COL5A3: variants seen among roughly 807,000 people sequenced by gnomAD.
COL5A3 encodes the protein collagen alpha-3(V) chain.
Under a neutral mutation model 250.0 loss-of-function variants are expected in COL5A3, and 172 were observed. The observed-to-expected ratio is 0.69, with a 90% CI of 0.61 to 0.78. The LOEUF (loss-of-function observed/expected upper bound fraction) is 0.78. Ranked by LOEUF, COL5A3 falls within the 30% of genes least tolerant of loss-of-function variation. The probability of loss-of-function intolerance (pLI) is 0.00; values close to 1 mark genes in which losing one functional copy is unlikely to be tolerated. For synonymous variants in COL5A3, 937 were observed against 900.4 expected (o/e 1.04, Z -0.73); for missense variants, 2,340 against 2,334.4 (o/e 1.00, Z -0.05).
chr19:9,985,502 C>T lies in COL5A3; in HGVS notation c.2406+340G>A, dbSNP rs567727032. On this transcript the variant is annotated intron_variant, in intron 31 of 66. Coordinates refer to ENST00000264828, the MANE Select transcript of COL5A3 (RefSeq NM_015719.4). ...CTCTAACTCCTGACCTCAAGTGATC[C>T]GCCTGCGTCTGCCGCCCAAAGTGTT... Among the ~76,000 whole-genome samples the T allele has an allele frequency of 2.6e-3, 402 of 151,990 alleles. 4 individuals are homozygous for T. Among genetic ancestry groups the T allele is most frequent in the African/African-American group, 9.2e-3 (379 of 41,406 alleles).
intron 31 of COL5A3, among the ~76,000 whole-genome samples, chr19:9,983,775 A>C (rs2087055917): frequency 6.6e-6 from 1 of 151,780 alleles, no homozygotes; most frequent in South Asian, 2.1e-4. Context: ...GAAGGAAGGA[A>C]GAAAGGAGGA....
At chr19:9,988,350 A>G (rs1413097883) in intron 27 of COL5A3, among the ~76,000 whole-genome samples, 1 of 152,240 alleles carries the variant, frequency 6.6e-6, no homozygotes, top group Non-Finnish European at 1.5e-5. Flanking sequence ...CCTTGATTAT[A>G]GTGTGTCTAA....
chr19:10,003,890 G>T, intron 5 of COL5A3, 151 bp downstream of exon 5: 1 of 1,014,404 alleles, frequency 9.9e-7, no homozygotes, highest in Non-Finnish European at 1.5e-6. Flanking sequence ...ATGACTTGAG[G>T]TCAAAGTCAT....
intron 4 of COL5A3, among the ~76,000 whole-genome samples, chr19:10,005,349 C>CAA (rs1221352558): frequency 7.6e-6 from 1 of 131,616 alleles, no homozygotes; most frequent in Non-Finnish European, 1.6e-5. Context: ...GGCTCCATCT[C>CAA]AAAAAAAAAA....
At position 9,967,954 on chromosome 19, in the gene COL5A3, C is replaced by T; in HGVS notation, c.4369-15G>A. 1 of 1,612,068 alleles carries T rather than the reference C, an allele frequency of 6.2e-7. No homozygotes were observed. Among genetic ancestry groups the T allele is most frequent in the South Asian group, 1.1e-5 (1 of 90,668 alleles). On this transcript the variant is annotated splice_polypyrimidine_tract_variant and intron_variant, in intron 60 of 66. Transcript: ENST00000264828. ...CCTAGAGGGCCCTGTAGGGTACAGA[C>T]AGGGAGAGCTGAGGTCCTGGCCTGG... is the stretch of plus-strand genomic sequence containing the variant.
Position 9,960,199 on chromosome 19 carries a change from G to C in COL5A3, c.*212C>G. ...GAGCCAGACTGCAGTATGCCACCTG[G>C]AATGGGGTGAGAGGAGGCTGGACCC... On this transcript the variant is annotated 3_prime_UTR_variant, in exon 67 of 67. Transcript: ENST00000264828. The C allele has an allele frequency of 1.6e-6, 1 of 613,836 alleles. No individual in the cohort carries two copies. Among genetic ancestry groups the C allele is most frequent in the Non-Finnish European group, 2.8e-6 (1 of 353,444 alleles). 38.0% of individuals were successfully genotyped at this position (613,836 alleles called of 1,614,324 possible).
chr19:9,969,450 A>C (rs1359211289), intron 56 of COL5A3, 48 bp from the exon 57 acceptor site: 2 of 1,595,950 alleles, frequency 1.3e-6, no homozygotes, highest in Admixed American at 3.6e-5. Flanking sequence ...GTCAGAACAC[A>C]GTGTGGACCC....
At position 9,970,968 on chromosome 19, in the gene COL5A3, C is replaced by T. The variant is rs774742646; in HGVS notation, c.3882+7G>A. The stretch of plus-strand genomic sequence containing the variant: ...CTCAGCACCACACCCTCTGTTTTCC[C>T]ACTCACCGGTCCCCCAACATCACCA... On this transcript the variant is annotated splice_region_variant and intron_variant, in intron 53 of 66. Transcript: ENST00000264828. The T allele has an allele frequency of 6.4e-7, 1 of 1,567,120 alleles. No homozygotes were observed. Among genetic ancestry groups the T allele is most frequent in the Admixed American group, 1.9e-5 (1 of 51,702 alleles).
intron 65 of COL5A3, 131 bp downstream of exon 65, chr19:9,962,688 G>C: frequency 1.5e-6 from 1 of 646,750 alleles, no homozygotes; most frequent in South Asian, 2.0e-5. Context: ...CCCACCTCCA[G>C]CTTGCGATCC....
intron 24 of COL5A3, among the ~76,000 whole-genome samples, chr19:9,990,103 A>T (rs1406760859): frequency 6.6e-6 from 1 of 151,524 alleles, no homozygotes; most frequent in African/African-American, 2.4e-5. Context: ...TTTAAAAATA[A>T]CTAAAAGAGG....
rs150379898 is a variant in COL5A3, at chr19:9,977,465, C to T, written c.3134G>A (p.Arg1045His). Residue 1045 changes from arginine to histidine, a missense_variant, in exon 43 of 67, where the codon CGT (arginine) becomes CAT (histidine). By Grantham distance (29) the Arg-to-His change is conservative (BLOSUM62 0). Around this residue, in one of 3 missense-constraint regions of COL5A3, gnomAD observed 1,179 missense variants for 1,162.6 expected, o/e 1.01. Transcript: ENST00000264828. ...PAGKKGSRGE[R>H]GPPGPTGKDG... Reference sequence around the variant, plus strand: ...TTTGCCAGTGGGGCCAGGGGGGCCACGTTCTCCCTGTTGTGGGGAATGGAA... The same window carrying T: ...TTTGCCAGTGGGGCCAGGGGGGCCATGTTCTCCCTGTTGTGGGGAATGGAA... 4.0e-5 allele frequency: 61 copies of T among 1,517,562 alleles called. No homozygotes were observed. The highest frequency in any genetic ancestry group is 9.1e-5 in the East Asian group (4 of 43,966). The allele number at this position is 1,517,562 out of a possible 1,614,324, so 94.0% of individuals were successfully genotyped here. A position where few individuals can be genotyped will look rare whatever the true frequency, so the allele number is the denominator to read the frequency against.
At chr19:9,961,992 A>G (rs2086680413) in intron 65 of COL5A3, among the ~76,000 whole-genome samples, 1 of 152,250 alleles carries the variant, frequency 6.6e-6, no homozygotes, top group Non-Finnish European at 1.5e-5. Flanking sequence ...TGAAATCTAA[A>G]TATAGAGCAA....
chr19:10,002,075 G>C (rs2087371655), intron 6 of COL5A3, among the ~76,000 whole-genome samples, 194 bp from the exon 7 acceptor site: 1 of 152,170 alleles, frequency 6.6e-6, no homozygotes, highest in South Asian at 2.1e-4. Context: ...GAGCCACCGT[G>C]GATGGAGGAG....
intron 27 of COL5A3, 56 bp downstream of exon 27, chr19:9,989,068 C>G (rs11879755): frequency 6.4e-7 from 1 of 1,565,332 alleles, no homozygotes; most frequent in Admixed American, 1.7e-5. Context: ...GGAGCTGCAT[C>G]GCATGCCTGA....
chr19:10,004,998 G>GCA (rs3837948), intron 4 of COL5A3, among the ~76,000 whole-genome samples: 40,335 of 151,734 alleles, frequency 0.27, 5,977 homozygotes, highest in South Asian at 0.35. Flanking sequence ...CACTGCAACG[G>GCA]CACACACAAG....
chr19:9,976,584 C>T lies in COL5A3; in HGVS notation c.3316G>A (p.Gly1106Ser). The T allele has an allele frequency of 6.4e-7, 1 of 1,567,572 alleles. No individual in the cohort carries two copies. The highest frequency in any genetic ancestry group is 2.1e-5 in the Admixed American group (1 of 48,704). The change falls in exon 45 of 67, where the codon GGT (glycine) becomes AGT (serine). Residue 1106 changes from glycine (G) to serine (S), a missense_variant. Physicochemically the swap from Gly to Ser is moderately conservative, Grantham distance 56 (BLOSUM62 0). Transcript: ENST00000264828. ...GGGGGACCTGGGTGTCCTGCAGGAC[C>T]CCGTATCCCTGGTTGTCCAGGTGGG... is the stretch of plus-strand genomic sequence containing the variant. Reference protein sequence around the residue: ...AGPPGQPGIRGPAGHPGPPGA... With the variant: ...AGPPGQPGIRSPAGHPGPPGA...
chr19:9,995,535 G>C (rs1409277671), intron 16 of COL5A3, 29 bp downstream of exon 16: 1 of 1,597,448 alleles, frequency 6.3e-7, no homozygotes, highest in Non-Finnish European at 8.5e-7. Context: ...ATGGATAAGG[G>C]GTGGTCTGGG....
rs775997009 is a variant in COL5A3 at position 9,968,478 on chromosome 19, C to G, written c.4221G>C (p.Leu1407Phe). 5.7e-6 allele frequency: 9 copies of G among 1,586,488 alleles called. No individual in the cohort carries two copies. The change falls in exon 59 of 67, where the codon TTG becomes TTC. Residue 1407 changes from leucine (L) to phenylalanine (F), a missense_variant. Transcript: ENST00000264828. The surrounding 1 kb of genome is among the most constrained non-coding windows in gnomAD (Gnocchi z 4.1). ...GPKGEKGHIGLIGLIGPPGEA... is the reference protein window; with the variant it reads ...GPKGEKGHIGFIGLIGPPGEA... ...CTCCCGGGGGGCCAATGAGACCGAT[C>G]AATCCAATGTGGCCCTGAAGGACAA... is the stretch of plus-strand genomic sequence containing the variant.
At position 9,966,627 on chromosome 19, in the gene COL5A3, C is replaced by G. The variant is rs1343301774; in HGVS notation, c.4578G>C (p.Glu1526Asp). 1.3e-6 allele frequency: 2 copies of G among 1,538,826 alleles called. No individual in the cohort carries two copies. Among genetic ancestry groups the G allele is most frequent in the Admixed American group, 3.9e-5 (2 of 51,030 alleles). ...VLASLTSLSL[E>D]LEQLRRPPGT... The stretch of plus-strand genomic sequence containing the variant: ...CGGGAGGACGCCGCAGCTGCTCCAG[C>G]TCCAAGCTCAGCGATGTGAGCGAGG... The change falls in exon 63 of 67, where the codon GAG becomes GAC. Residue 1526 changes from glutamate to aspartate, a missense_variant. Glu to Asp is a conservative substitution (Grantham distance 45). Around this residue, in one of 3 missense-constraint regions of COL5A3, gnomAD observed 1,179 missense variants for 1,162.6 expected, o/e 1.01. Transcript: ENST00000264828.
Sources: allele counts gnomAD v4.1 joint callset (sites outside exome capture counted in the v4.1 genomes callset), GRCh38; gene constraint gnomAD v4.1.1; regional missense constraint gnomAD v4.1.1; non-coding constraint Gnocchi (gnomAD v3.1); transcripts MANE v1.5; gene names NCBI Gene and HGNC (gene_info 2026-07-23, HGNC 2026-07-21).